MAP3K7CL: variants seen among roughly 807,000 people sequenced by gnomAD.
MAP3K7CL encodes the protein MAP3K7 C-terminal like, also known as MAP3K7 C-terminal-like protein.
MAP3K7CL carries 16 observed loss-of-function variants against 18.6 expected under a neutral mutation model. The ratio of observed to expected loss-of-function variants is 0.86; its 90% confidence interval spans 0.58 to 1.31. The LOEUF (loss-of-function observed/expected upper bound fraction) is 1.31. MAP3K7CL is among the 50% of genes most tolerant of loss of function. MAP3K7CL has a pLI of 0.00. For missense variants in MAP3K7CL, 163 were observed against 174.4 expected (o/e 0.93, Z 0.37); for synonymous variants, 65 against 66.8 (o/e 0.97, Z 0.13).
Position 29,134,973 on chromosome 21 carries a change from C to T in MAP3K7CL, c.70+1559C>T, listed in dbSNP as rs539781036. Among the ~76,000 whole-genome samples the T allele has an allele frequency of 2.6e-5, 4 of 151,518 alleles. No homozygotes were observed. In the South Asian group the frequency reaches 8.3e-4, roughly 32 times the overall value. ...GGCTGAGGCAGGAGAATGGTGTGAA[C>T]CTGGGAGGTGGAGCTTGCAGTGAGC... On this transcript the variant is annotated intron_variant, in intron 2 of 4. Coordinates refer to ENST00000399928, the MANE Select transcript of MAP3K7CL (RefSeq NM_001286620.2).
chr21:29,142,390 A>G (rs2087029547), intron 2 of MAP3K7CL, among the ~76,000 whole-genome samples: 1 of 152,220 alleles, frequency 6.6e-6, no homozygotes, highest in Admixed American at 6.5e-5. Flanking sequence ...ATTCAGATTT[A>G]AATGAAGAGA....
intron 3 of MAP3K7CL, among the ~76,000 whole-genome samples, chr21:29,155,265 C>T (rs1217737893): frequency 6.6e-6 from 1 of 152,096 alleles, no homozygotes; most frequent in Non-Finnish European, 1.5e-5. Flanking sequence ...AAGTAGGTAA[C>T]CCTGAGAATC....
At chr21:29,164,075 G>A (rs1323245859) in intron 4 of MAP3K7CL, among the ~76,000 whole-genome samples, 2 of 151,132 alleles carry the variant, frequency 1.3e-5, no homozygotes, top group Admixed American at 6.6e-5. Flanking sequence ...ACTCCAGCCC[G>A]GGTGACAGTG....
chr21:29,092,570 G>T, exon 4 of MAP3K7CL: 1 of 1,614,116 alleles, frequency 6.2e-7, no homozygotes, highest in Non-Finnish European at 8.5e-7. Context: ...GAAATCCCCA[G>T]CTCCCCTCTG....
intron 2 of MAP3K7CL, among the ~76,000 whole-genome samples, chr21:29,136,218 A>T (rs2086881914): frequency 6.6e-6 from 1 of 152,216 alleles, no homozygotes; most frequent in South Asian, 2.1e-4. Flanking sequence ...TGCTTTGCAG[A>T]TATTTGGGAC....
chr21:29,084,032 A>G (rs989061710), upstream of MAP3K7CL, among the ~76,000 whole-genome samples: 1 of 147,870 alleles, frequency 6.8e-6, no homozygotes, highest in African/African-American at 2.5e-5. Flanking sequence ...TATATGTAAT[A>G]TAATTATATA....
chr21:29,148,842 C>T lies in MAP3K7CL; in HGVS notation c.71-347C>T, dbSNP rs73897257. Reference sequence around the variant, plus strand: ...TGTCCCATTAAAGTCCTTCTGGCCACCTCATTAGCACCTTGTTAAAGCATT... The same window carrying T: ...TGTCCCATTAAAGTCCTTCTGGCCATCTCATTAGCACCTTGTTAAAGCATT... On this transcript the variant is annotated intron_variant, in intron 2 of 4. Transcript: ENST00000399928. Among the ~76,000 whole-genome samples the T allele has an allele frequency of 8.1e-3, 1,240 of 152,260 alleles. 21 individuals carry two copies. Among genetic ancestry groups the T allele is most frequent in the African/African-American group, 0.028 (1,178 of 41,534 alleles).
intron 4 of MAP3K7CL, among the ~76,000 whole-genome samples, chr21:29,105,168 T>G (rs2086299331): frequency 6.6e-6 from 1 of 152,212 alleles, no homozygotes; most frequent in South Asian, 2.1e-4. Context: ...ATTCCTCATT[T>G]TTTGCTTTCC....
intron 4 of MAP3K7CL, among the ~76,000 whole-genome samples, chr21:29,124,197 T>C (rs566092141): frequency 7.0e-4 from 106 of 151,374 alleles, no homozygotes; most frequent in Non-Finnish European, 1.2e-3. Context: ...TACTAAAAAA[T>C]ACAAAAATTA....
chr21:29,116,880 T>C (rs1191465903), intron 4 of MAP3K7CL, among the ~76,000 whole-genome samples: 1 of 152,166 alleles, frequency 6.6e-6, no homozygotes, highest in East Asian at 1.9e-4. Flanking sequence ...AGGAATGATT[T>C]CCTGATATAT....
chr21:29,173,295 CT>C (rs964435972), intron 4 of MAP3K7CL, among the ~76,000 whole-genome samples: 4 of 152,166 alleles, frequency 2.6e-5, no homozygotes, highest in African/African-American at 7.2e-5. Context: ...TTGACTCAAA[CT>C]TTTTTTGTAA....
At chr21:29,106,418 G>T (rs1248003839) in intron 4 of MAP3K7CL, among the ~76,000 whole-genome samples, 1 of 152,146 alleles carries the variant, frequency 6.6e-6, no homozygotes, top group Non-Finnish European at 1.5e-5. Flanking sequence ...CTGACCTCAG[G>T]TGATCCGCCT....
At chr21:29,104,313 G>C (rs1226454987) in intron 4 of MAP3K7CL, among the ~76,000 whole-genome samples, 1 of 151,538 alleles carries the variant, frequency 6.6e-6, no homozygotes, top group Non-Finnish European at 1.5e-5. Context: ...TTCTCCTCTT[G>C]GCAAGAGCTG....
chr21:29,149,160 T>TCCATA, intron 2 of MAP3K7CL, 29 bp from the exon 3 acceptor site: 1 of 1,601,552 alleles, frequency 6.2e-7, no homozygotes. Flanking sequence ...AGCTCCATAG[T>TCCATA]GAAGAATCAT....
Position 29,175,451 on chromosome 21 carries a change from A to G in MAP3K7CL, c.*559A>G, listed in dbSNP as rs1357172544. On this transcript the variant is annotated 3_prime_UTR_variant, in exon 5 of 5. Coordinates refer to ENST00000399928, the MANE Select transcript of MAP3K7CL (RefSeq NM_001286620.2). ...GATTATACTAAGAATAAATGGTCAC[A>G]TATCCTAAAAGCTTCTTCATGAAAT... is the stretch of plus-strand genomic sequence containing the variant. The G allele has an allele frequency of 6.6e-6, 1 of 152,234 alleles. No individual in the cohort carries two copies. The highest frequency in any genetic ancestry group is 1.5e-5 in the Non-Finnish European group (1 of 68,052). 9.4% of individuals were successfully genotyped at this position (152,234 alleles called of 1,614,324 possible). A position where few individuals can be genotyped will look rare whatever the true frequency, so the allele number is the denominator to read the frequency against.
chr21:29,125,488 A>G (rs1568949407), intron 4 of MAP3K7CL, among the ~76,000 whole-genome samples: 1 of 152,234 alleles, frequency 6.6e-6, no homozygotes, highest in Non-Finnish European at 1.5e-5. Context: ...TCATTCTGCT[A>G]TCTTAAGCCT....
intron 2 of MAP3K7CL, among the ~76,000 whole-genome samples, chr21:29,145,243 A>G (rs984420659): frequency 6.6e-6 from 1 of 152,062 alleles, no homozygotes; most frequent in African/African-American, 2.4e-5. Flanking sequence ...TTGTGCTGTG[A>G]TTTTGTCCCA....
rs1038818818 is a variant in MAP3K7CL, at chr21:29,131,039, T to G, written c.-40+116T>G. ...ACCTGTGGTTCGTTTCCCCAGACGGTGTGATGAAAAGGCAAGTTGGTGTAG... is the reference window on the plus strand; with the variant it reads ...ACCTGTGGTTCGTTTCCCCAGACGGGGTGATGAAAAGGCAAGTTGGTGTAG... On this transcript the variant is annotated intron_variant, in intron 1 of 4. Transcript: ENST00000399928. 97 of 636,952 alleles carry G rather than the reference T, an allele frequency of 1.5e-4. 1 individual carries two copies. In the African/African-American group the frequency reaches 1.8e-3, roughly 12 times the overall value. The allele number at this position is 636,952 out of a possible 1,614,324, so 39.5% of individuals were successfully genotyped here.
At chr21:29,133,085 T>C (rs1397286033) in intron 1 of MAP3K7CL, among the ~76,000 whole-genome samples, 1 of 152,204 alleles carries the variant, frequency 6.6e-6, no homozygotes, top group Non-Finnish European at 1.5e-5. Flanking sequence ...ATTCTAGATG[T>C]ATATTGCAAA....
Sources: gnomAD v4.1 joint callset for allele counts (sites outside exome capture counted in the v4.1 genomes callset) on GRCh38, gnomAD v4.1.1 for gene constraint, MANE v1.5 for transcripts, NCBI Gene and HGNC (gene_info 2026-07-23, HGNC 2026-07-21) for gene names.